Variants in CDS1 observed in about 807,000 individuals in gnomAD.
CDS1 encodes the protein CDP-diacylglycerol synthase 1, also known as phosphatidate cytidylyltransferase 1.
Under a neutral mutation model 62.1 loss-of-function variants are expected in CDS1, and 41 were observed. That is an observed-to-expected ratio of 0.66 (90% CI 0.51 to 0.86). The LOEUF (loss-of-function observed/expected upper bound fraction) is 0.86. Ranked by LOEUF, CDS1 falls within the 40% of genes least tolerant of loss-of-function variation. The pLI is 0.00. For missense variants in CDS1, 470 were observed against 550.1 expected, an observed-to-expected ratio of 0.85 and a Z score of 1.46; for synonymous variants, 185 against 192.6, an observed-to-expected ratio of 0.96 and a Z score of 0.32.
chr4:84,609,891 C>T (rs1365619262), intron 3 of CDS1, among the ~76,000 whole-genome samples: 7 of 151,948 alleles, frequency 4.6e-5, no homozygotes, highest in African/African-American at 7.3e-5. Flanking sequence ...TAGTGGTTCA[C>T]GCCTATAGTC....
intron 9 of CDS1, among the ~76,000 whole-genome samples, chr4:84,640,275 G>T (rs1724339360): frequency 6.6e-6 from 1 of 151,058 alleles, no homozygotes; most frequent in African/African-American, 2.4e-5. Context: ...AGAATAATAG[G>T]GTGAATGGCT....
intron 5 of CDS1, among the ~76,000 whole-genome samples, chr4:84,631,029 A>C (rs1163711797): frequency 6.7e-6 from 1 of 149,078 alleles, no homozygotes; most frequent in African/African-American, 2.4e-5. Flanking sequence ...TTATCATTGT[A>C]ATAAATTTGT....
At chr4:84,608,401 C>T (rs1224468034) in intron 2 of CDS1, among the ~76,000 whole-genome samples, 1 of 152,196 alleles carries the variant, frequency 6.6e-6, no homozygotes, top group Non-Finnish European at 1.5e-5. Flanking sequence ...GTCTCGATCT[C>T]CTGACCTCGT....
intron 5 of CDS1, among the ~76,000 whole-genome samples, chr4:84,622,945 T>G (rs1020787565): frequency 6.6e-6 from 1 of 152,224 alleles, no homozygotes; most frequent in African/African-American, 2.4e-5. Flanking sequence ...CTTTTTGTTT[T>G]TCCCGAACTT....
chr4:84,590,917 T>C (rs1359545473), intron 1 of CDS1, among the ~76,000 whole-genome samples: 1 of 152,170 alleles, frequency 6.6e-6, no homozygotes, highest in Non-Finnish European at 1.5e-5. Context: ...AGAGCCAACA[T>C]AGCAAGTGGC....
chr4:84,584,293 G>C (rs1722347850), intron 1 of CDS1, among the ~76,000 whole-genome samples: 1 of 152,240 alleles, frequency 6.6e-6, no homozygotes, highest in Admixed American at 6.5e-5. Context: ...GTGCAAGTAA[G>C]AACTTGTGAA....
At chr4:84,648,418 T>A (rs747057629) in intron 12 of CDS1, 139 bp from the exon 13 acceptor site, 62 of 703,024 alleles carry the variant, frequency 8.8e-5, no homozygotes, top group Non-Finnish European at 1.3e-4. Context: ...TAAAGTGAGC[T>A]ATTATCAAGA....
At chr4:84,588,760 A>C (rs1722493375) in intron 1 of CDS1, among the ~76,000 whole-genome samples, 1 of 152,182 alleles carries the variant, frequency 6.6e-6, no homozygotes, top group Admixed American at 6.5e-5. Context: ...TTAAAAGGCC[A>C]ATCTTAGCTT....
chr4:84,604,480 G>A, intron 2 of CDS1, 110 bp downstream of exon 2: 2 of 1,068,124 alleles, frequency 1.9e-6, no homozygotes, highest in Non-Finnish European at 2.7e-6. Flanking sequence ...CATGGTATTA[G>A]GTGGTCAAAA....
intron 3 of CDS1, among the ~76,000 whole-genome samples, chr4:84,616,451 C>T (rs1723496889): frequency 6.6e-6 from 1 of 152,124 alleles, no homozygotes; most frequent in Non-Finnish European, 1.5e-5. Flanking sequence ...AAAAGAAATC[C>T]CGGAATATAT....
chr4:84,603,388 C>T (rs1274578806), intron 1 of CDS1, among the ~76,000 whole-genome samples: 1 of 152,138 alleles, frequency 6.6e-6, no homozygotes, highest in East Asian at 1.9e-4. Context: ...TGTGTGTTCA[C>T]CACTCATAAC....
chr4:84,591,653 A>T (rs1415410215), intron 1 of CDS1, among the ~76,000 whole-genome samples: 1 of 152,218 alleles, frequency 6.6e-6, no homozygotes, highest in African/African-American at 2.4e-5. Flanking sequence ...TTTAACAATT[A>T]TATAGGCAAG....
chr4:84,628,933 G>T (rs1287918225), intron 5 of CDS1, among the ~76,000 whole-genome samples: 2 of 152,076 alleles, frequency 1.3e-5, no homozygotes, highest in African/African-American at 4.8e-5. Context: ...CGAGATGTAC[G>T]TATCTTTGTA....
At chr4:84,613,790 A>T (rs1303003184) in intron 3 of CDS1, among the ~76,000 whole-genome samples, 2 of 152,202 alleles carry the variant, frequency 1.3e-5, no homozygotes, top group Non-Finnish European at 2.9e-5. Context: ...AGATGTGAAC[A>T]TATAGAAGAT....
chr4:84,623,467 G>A (rs774103082), intron 5 of CDS1, among the ~76,000 whole-genome samples: 3 of 152,208 alleles, frequency 2.0e-5, no homozygotes, highest in South Asian at 2.1e-4. Context: ...TAGAAAATAC[G>A]TTTAGGCACC....
Position 84,619,490 on chromosome 4 carries a change from C to T in CDS1, c.537C>T (p.Leu179=), listed in dbSNP as rs754016381. Residue 179 remains leucine (L), a synonymous_variant, in exon 5 of 13, where the codon CTC becomes CTT. Coordinates refer to ENST00000295887, the MANE Select transcript of CDS1 (RefSeq NM_001263.4). ...AAAGAGAAGAACAACTTCAGTTCCT[C>T]ATTCGCTACCATAGATTTATATCAT... is the stretch of plus-strand genomic sequence containing the variant. ...FVQREEQLQF[L]IRYHRFISFA... is the part of the protein sequence containing the mutation. 1.9e-6 allele frequency: 3 copies of T among 1,603,970 alleles called. No individual in the cohort carries two copies. The highest frequency in any genetic ancestry group is 1.3e-5 in the African/African-American group (1 of 74,886).
intron 1 of CDS1, among the ~76,000 whole-genome samples, chr4:84,599,401 C>CATATAT (rs1201257441): frequency 1.5e-3 from 35 of 23,878 alleles, no homozygotes; most frequent in Non-Finnish European, 2.9e-3. Context: ...TTGACACACA[C>CATATAT]ACACATATAT....
chr4:84,603,690 A>G (rs1490685291), intron 1 of CDS1, among the ~76,000 whole-genome samples: 5 of 152,176 alleles, frequency 3.3e-5, no homozygotes, highest in Admixed American at 3.3e-4. Flanking sequence ...TAAAAATCTC[A>G]TCACCAAATG....
chr4:84,620,690 A>AT (rs899141318), intron 5 of CDS1, among the ~76,000 whole-genome samples: 4 of 152,084 alleles, frequency 2.6e-5, no homozygotes, highest in African/African-American at 7.2e-5. Flanking sequence ...TAAGCAATTG[A>AT]TTTTTTTAAA....
Sources: gnomAD v4.1 joint callset for allele counts (sites outside exome capture counted in the v4.1 genomes callset) on GRCh38, gnomAD v4.1.1 for gene constraint, MANE v1.5 for transcripts, NCBI Gene and HGNC (gene_info 2026-07-23, HGNC 2026-07-21) for gene names.